The following NPHP1 variants were observed in gnomAD, a reference collection of about 807,000 sequenced individuals.
NPHP1 encodes the protein nephrocystin-1.
In NPHP1, 70 loss-of-function variants were observed where a neutral mutation model predicts 90.4. The observed-to-expected ratio is 0.77, with a 90% CI of 0.64 to 0.95. The LOEUF (loss-of-function observed/expected upper bound fraction) is 0.95, where lower values mean the gene tolerates loss of function less well. Ranked by LOEUF, NPHP1 falls within the 40% of genes least tolerant of loss-of-function variation. The pLI, the probability that NPHP1 is intolerant of heterozygous loss-of-function variation, is 0.00. For synonymous variants in NPHP1, 256 were observed against 271.7 expected, an observed-to-expected ratio of 0.94 and a Z score of 0.57; for missense variants, 764 against 795.9, an observed-to-expected ratio of 0.96 and a Z score of 0.48.
intron 7 of NPHP1, 57 bp from the exon 8 acceptor site, chr2:110,164,787 A>G: frequency 7.1e-7 from 1 of 1,406,130 alleles, no homozygotes; most frequent in Non-Finnish European, 1.0e-6. Flanking sequence ...TCACTCAATT[A>G]GGGAACTTCT....
At chr2:110,200,369 G>T (rs1396392824) in intron 2 of NPHP1, among the ~76,000 whole-genome samples, 5 of 152,102 alleles carry the variant, frequency 3.3e-5, no homozygotes, top group Admixed American at 2.6e-4. Flanking sequence ...TTCGAAACCA[G>T]CCTGGCCAAC....
At chr2:110,124,145 T>A in intron 19 of NPHP1, 82 bp from the exon 20 acceptor site, 1 of 1,529,934 alleles carries the variant, frequency 6.5e-7, no homozygotes, top group Non-Finnish European at 9.0e-7. Flanking sequence ...AAAAGCCACC[T>A]AAGAGGTAGG....
In NPHP1 at chr2:110,148,020, G is replaced by C. The variant is rs375907280; in HGVS notation, c.1165C>G (p.Arg389Gly). 40 of 1,582,472 alleles carry C rather than the reference G, an allele frequency of 2.5e-5. No homozygotes were observed. In the East Asian group the frequency reaches 8.9e-4, roughly 35 times the overall value. Residue 389 changes from arginine to glycine, a missense_variant, in exon 13 of 20, where the codon CGC becomes GGC. By Grantham distance (125) the Arg-to-Gly change is moderately radical (BLOSUM62 -2). Transcript: ENST00000445609. ...CCATCAAGCAAACATGGTAAGATGC[G>C]AGTAACCTGAAATGATAAAGAAATT... ...KTWTFSPQVTRILPCLLDGDC... is the reference protein window; with the variant it reads ...KTWTFSPQVTGILPCLLDGDC...
chr2:110,144,223 C>T, intron 15 of NPHP1: 1 of 456,552 alleles, frequency 2.2e-6, no homozygotes, highest in Non-Finnish European at 4.0e-6. Flanking sequence ...CTGTATTAGT[C>T]ACAAGTATCA....
chr2:110,138,220 T>G (rs1170045119), intron 16 of NPHP1, among the ~76,000 whole-genome samples: 2 of 152,014 alleles, frequency 1.3e-5, no homozygotes, highest in African/African-American at 4.8e-5. Flanking sequence ...TACCTAATGT[T>G]AAATGATGAG....
In NPHP1 at chr2:110,164,752, G is replaced by A. The variant is rs368177424; in HGVS notation, c.729-22C>T. On this transcript the variant is annotated intron_variant, in intron 7 of 19. Coordinates refer to ENST00000445609, the MANE Select transcript of NPHP1 (RefSeq NM_001128178.3). ...AGTTCTGGGGAGACAAAATAGCAAA[G>A]TGAGTCAGGTCAGGTTATGCCTATT... 9 of 1,596,918 alleles carry A rather than the reference G, an allele frequency of 5.6e-6. No homozygotes were observed. The African/African-American group carries it at 1.2e-4, about 21-fold the overall frequency.
intron 2 of NPHP1, among the ~76,000 whole-genome samples, chr2:110,187,184 G>A (rs1304311945): frequency 6.6e-6 from 1 of 152,056 alleles, no homozygotes; most frequent in East Asian, 1.9e-4. Context: ...GAGCTGAACT[G>A]AAGGAGATAG....
chr2:110,183,926 GA>G (rs1253868535), intron 2 of NPHP1: 4 of 327,308 alleles, frequency 1.2e-5, no homozygotes, highest in Non-Finnish European at 2.4e-5. Context: ...CTCAGCAAAT[GA>G]AAAAGAACTG....
intron 19 of NPHP1, chr2:110,124,336 T>C: frequency 3.8e-6 from 2 of 523,566 alleles, no homozygotes; most frequent in Non-Finnish European, 6.9e-6. Flanking sequence ...GGAGGGTGTC[T>C]CACACATTCT....
intron 2 of NPHP1, among the ~76,000 whole-genome samples, chr2:110,193,916 A>G (rs567234012): frequency 8.5e-5 from 13 of 152,334 alleles, no homozygotes; most frequent in African/African-American, 2.9e-4. Context: ...TACTGGATAC[A>G]TAACGAAATG....
intron 11 of NPHP1, among the ~76,000 whole-genome samples, chr2:110,152,967 G>A (rs559070522): frequency 6.6e-6 from 1 of 152,094 alleles, no homozygotes; most frequent in Admixed American, 6.6e-5. Flanking sequence ...TGAAGAAGCT[G>A]AGCAAACCCC....
intron 15 of NPHP1, 54 bp from the exon 16 acceptor site, chr2:110,143,695 A>G: frequency 8.3e-7 from 1 of 1,197,876 alleles, no homozygotes; most frequent in African/African-American, 1.5e-5. Flanking sequence ...TGAGACAGTG[A>G]GTATAATAAA....
chr2:110,130,803 G>T (rs944680743), intron 17 of NPHP1, among the ~76,000 whole-genome samples: 1 of 152,068 alleles, frequency 6.6e-6, no homozygotes, highest in African/African-American at 2.4e-5. Context: ...CACATCTTTT[G>T]TTAAATATTA....
chr2:110,137,227 G>T (rs1428364806), intron 16 of NPHP1, among the ~76,000 whole-genome samples: 1 of 151,974 alleles, frequency 6.6e-6, no homozygotes, highest in Non-Finnish European at 1.5e-5. Context: ...AACCCTAGAA[G>T]AAAACCTAGG....
chr2:110,153,106 AATG>A (rs1681617039), intron 11 of NPHP1, among the ~76,000 whole-genome samples: 3 of 152,170 alleles, frequency 2.0e-5, no homozygotes, highest in Non-Finnish European at 4.4e-5. Context: ...AAACAATTTG[AATG>A]ATGATGAATT....
intron 6 of NPHP1, among the ~76,000 whole-genome samples, chr2:110,167,453 T>G (rs1032579365): frequency 1.3e-5 from 2 of 152,188 alleles, no homozygotes; most frequent in East Asian, 3.9e-4. Context: ...GAAAAACCCC[T>G]AAATGATGGG....
At chr2:110,192,499 G>A (rs965541697) in intron 2 of NPHP1, among the ~76,000 whole-genome samples, 2 of 152,080 alleles carry the variant, frequency 1.3e-5, no homozygotes, top group African/African-American at 4.8e-5. Flanking sequence ...AAGAAATATG[G>A]GACTATGTGA....
chr2:110,135,347 G>A (rs1349048875), intron 16 of NPHP1, among the ~76,000 whole-genome samples: 1 of 151,162 alleles, frequency 6.6e-6, no homozygotes, highest in Non-Finnish European at 1.5e-5. Flanking sequence ...CGTGTTGGCA[G>A]GCGCCTGTAG....
At chr2:110,149,911 C>T (rs890002039) in intron 12 of NPHP1, among the ~76,000 whole-genome samples, 8 of 152,036 alleles carry the variant, frequency 5.3e-5, no homozygotes, top group African/African-American at 7.2e-5. Context: ...TGAAAAACAC[C>T]CCACTTCCTA....
Sources: gnomAD v4.1 joint callset for allele counts (sites outside exome capture counted in the v4.1 genomes callset) on GRCh38, gnomAD v4.1.1 for gene constraint, MANE v1.5 for transcripts, NCBI Gene and HGNC (gene_info 2026-07-23, HGNC 2026-07-21) for gene names.